Variants in KCNT1 observed in about 807,000 individuals in gnomAD.
KCNT1 encodes the protein potassium channel subfamily T member 1.
KCNT1 carries 78 observed loss-of-function variants against 147.8 expected under a neutral mutation model. That is an observed-to-expected ratio of 0.53 (90% CI 0.44 to 0.64). The LOEUF (loss-of-function observed/expected upper bound fraction) is 0.64, where lower values mean the gene tolerates loss of function less well. Ranked by LOEUF, KCNT1 falls within the 30% of genes least tolerant of loss-of-function variation. The pLI, the probability that KCNT1 is intolerant of heterozygous loss-of-function variation, is 0.00. For synonymous variants in KCNT1, 867 were observed against 748.8 expected (o/e 1.16, Z -2.58); for missense variants, 1,419 against 1,750.3 (o/e 0.81, Z 3.38).
chr9:135,703,558 C>G (rs114497267), intron 1 of KCNT1, among the ~76,000 whole-genome samples: 3 of 152,162 alleles, frequency 2.0e-5, no homozygotes, highest in Admixed American at 1.3e-4. Flanking sequence ...TGGTGATGTC[C>G]TTGGGAAGTG....
chr9:135,749,769 C>T lies in KCNT1; in HGVS notation c.255-329C>T, dbSNP rs1018663669. On this transcript the variant is annotated intron_variant, in intron 2 of 30. Coordinates refer to ENST00000371757, the MANE Select transcript of KCNT1 (RefSeq NM_020822.3). ...CCTCCTGGCAGGTGCCCTGCACCCACGGAGGCTTGGGCGAGGGTGTGTGGA... is the reference window on the plus strand; with the variant it reads ...CCTCCTGGCAGGTGCCCTGCACCCATGGAGGCTTGGGCGAGGGTGTGTGGA... Among the ~76,000 whole-genome samples, 13 of 152,336 alleles carry T rather than the reference C, an allele frequency of 8.5e-5. No individual in the cohort carries two copies. The East Asian group carries it at 2.5e-3, about 29-fold the overall frequency.
intron 2 of KCNT1, among the ~76,000 whole-genome samples, chr9:135,726,589 A>G (rs570254149): frequency 2.4e-4 from 37 of 152,116 alleles, no homozygotes; most frequent in African/African-American, 8.4e-4. Context: ...GGAGACCCAG[A>G]TCAGACTCTG....
chr9:135,769,905 C>A (rs367691031), intron 15 of KCNT1, 42 bp from the exon 16 acceptor site: 23 of 1,414,392 alleles, frequency 1.6e-5, no homozygotes, highest in Middle Eastern at 1.9e-4. Flanking sequence ...AGGAGAGAGC[C>A]GGCAGAGCGG....
chr9:135,748,256 T>C (rs1830951556), intron 2 of KCNT1, among the ~76,000 whole-genome samples: 1 of 152,168 alleles, frequency 6.6e-6, no homozygotes, highest in Admixed American at 6.5e-5. Context: ...TTGAGCTCTG[T>C]AACCAGCAGA....
At chr9:135,744,952 T>C (rs1307852936) in intron 2 of KCNT1, among the ~76,000 whole-genome samples, 1 of 152,154 alleles carries the variant, frequency 6.6e-6, no homozygotes, top group Non-Finnish European at 1.5e-5. Context: ...AAATGCAGAC[T>C]GGCAGAGGTG....
intron 4 of KCNT1, 34 bp from the exon 5 acceptor site, chr9:135,753,903 G>A: frequency 1.9e-6 from 3 of 1,613,254 alleles, no homozygotes; most frequent in Non-Finnish European, 2.5e-6. Context: ...TGCTAGAGGG[G>A]CCAGGGCCGG....
chr9:135,770,207 G>A, intron 16 of KCNT1, 91 bp from the exon 17 acceptor site: 2 of 1,478,272 alleles, frequency 1.4e-6, no homozygotes, highest in Admixed American at 3.8e-5. Context: ...CATGCCAGGG[G>A]AAGCAGAGGG....
intron 2 of KCNT1, among the ~76,000 whole-genome samples, chr9:135,745,142 G>T (rs537933790): frequency 4.7e-4 from 72 of 152,354 alleles, no homozygotes; most frequent in Non-Finnish European, 9.4e-4. Context: ...CTGTTTGCCA[G>T]ATAAACAAAT....
chr9:135,723,192 G>T (rs536384016), intron 2 of KCNT1, among the ~76,000 whole-genome samples: 1 of 152,306 alleles, frequency 6.6e-6, no homozygotes, highest in South Asian at 2.1e-4. Context: ...AGGAAGCTGG[G>T]GGCTGCAGAG....
rs541827033 is a variant in KCNT1 at position 135,783,703 on chromosome 9, A to G, written c.2842-321A>G. Among the ~76,000 whole-genome samples, 5 of 152,360 alleles carry G rather than the reference A, an allele frequency of 3.3e-5. No individual in the cohort carries two copies. The East Asian group carries it at 9.7e-4, about 29-fold the overall frequency. On this transcript the variant is annotated intron_variant, in intron 24 of 30. Transcript: ENST00000371757. ...TATCAGGAGGATTTGGAATTTCGGG[A>G]TGGCAAGAGCAGGGCGCTTGACCAA...
chr9:135,765,088 C>T lies in KCNT1; in HGVS notation c.1093C>T (p.Arg365Cys), dbSNP rs751116785. 6 of 1,613,218 alleles carry T rather than the reference C, an allele frequency of 3.7e-6. No individual in the cohort carries two copies. Among genetic ancestry groups the T allele is most frequent in the African/African-American group, 1.3e-5 (1 of 74,884 alleles). ...ERQKSGGNYS[R>C]HRAQTEKHVV... ...GCAGAAGTCAGGGGGCAACTACAGC[C>T]GCCACCGTGCGCAGACGGAGAAGCA... The change falls in exon 12 of 31, where the codon CGC becomes TGC. Residue 365 changes from arginine (R) to cysteine (C), a missense_variant. Arg to Cys is a radical substitution (Grantham distance 180). Transcript: ENST00000371757.
chr9:135,731,099 G>A (rs1035847287), intron 2 of KCNT1, among the ~76,000 whole-genome samples: 4 of 151,228 alleles, frequency 2.6e-5, no homozygotes, highest in African/African-American at 7.3e-5. Context: ...TGTCCCCTCT[G>A]AGATCCCACC....
intron 10 of KCNT1, among the ~76,000 whole-genome samples, chr9:135,759,210 C>T (rs537681991): frequency 6.6e-6 from 1 of 152,350 alleles, no homozygotes; most frequent in East Asian, 1.9e-4. Context: ...GGCCTGGGCG[C>T]TTGTCTGGCT....
chr9:135,711,806 C>A (rs1293149078), intron 1 of KCNT1, among the ~76,000 whole-genome samples: 1 of 152,214 alleles, frequency 6.6e-6, no homozygotes, highest in East Asian at 1.9e-4. Context: ...CACCCTGGGT[C>A]ATAGCCTTTG....
At chr9:135,710,251 T>A (rs1378597280) in intron 1 of KCNT1, among the ~76,000 whole-genome samples, 1 of 152,222 alleles carries the variant, frequency 6.6e-6, no homozygotes, top group Non-Finnish European at 1.5e-5. Flanking sequence ...CTTTCCATCT[T>A]GTCCTTGGTT....
At chr9:135,733,630 A>G (rs1206447284) in intron 2 of KCNT1, among the ~76,000 whole-genome samples, 1 of 126,914 alleles carries the variant, frequency 7.9e-6, no homozygotes, top group East Asian at 2.3e-4. Context: ...ACATCTGTAA[A>G]TGTCACACTG....
At chr9:135,776,676 C>T (rs1833193217) in intron 20 of KCNT1, among the ~76,000 whole-genome samples, 1 of 152,234 alleles carries the variant, frequency 6.6e-6, no homozygotes, top group Non-Finnish European at 1.5e-5. Context: ...GGACCACAGG[C>T]TCCCAGCATA....
At chr9:135,754,596 C>T (rs1382552877) in intron 5 of KCNT1, among the ~76,000 whole-genome samples, 1 of 152,216 alleles carries the variant, frequency 6.6e-6, no homozygotes, top group Non-Finnish European at 1.5e-5. Context: ...AGGCAAGGAG[C>T]AGATGGCCCC....
At position 135,731,482 on chromosome 9, in the gene KCNT1, G is replaced by A. The variant is rs147947475; in HGVS notation, c.254+16762G>A. 6.7e-5 allele frequency among the ~76,000 whole-genome samples: 10 copies of A among 149,400 alleles called. No individual in the cohort carries two copies. The East Asian group carries it at 1.0e-3, about 16-fold the overall frequency. On this transcript the variant is annotated intron_variant, in intron 2 of 30. Transcript: ENST00000371757. ...CCGCTGCCCACCCACCCTTTCATAC[G>A]GCTTCTTCACGCTGGAATTCTTTCT... is the stretch of plus-strand genomic sequence containing the variant.
Sources: gnomAD v4.1 joint callset for allele counts (sites outside exome capture counted in the v4.1 genomes callset) on GRCh38, gnomAD v4.1.1 for gene constraint, MANE v1.5 for transcripts, NCBI Gene and HGNC (gene_info 2026-07-23, HGNC 2026-07-21) for gene names.